Variants in SNTG1 observed in about 807,000 individuals in gnomAD.
The protein encoded by SNTG1 is syntrophin gamma 1.
Under a neutral mutation model 74.7 loss-of-function variants are expected in SNTG1, and 39 were observed. That is an observed-to-expected ratio of 0.52 (90% CI 0.40 to 0.68). SNTG1 has a LOEUF of 0.68. Ranked by LOEUF, SNTG1 falls within the 30% of genes least tolerant of loss-of-function variation. SNTG1 has a pLI of 0.00. For missense variants in SNTG1, 685 were observed against 609.5 expected, an observed-to-expected ratio of 1.12 and a Z score of -1.30; for synonymous variants, 254 against 217.1, an observed-to-expected ratio of 1.17 and a Z score of -1.49.
At chr8:50,749,075 G>A (rs967979474) in intron 17 of SNTG1, among the ~76,000 whole-genome samples, 5 of 152,042 alleles carry the variant, frequency 3.3e-5, no homozygotes, top group African/African-American at 1.2e-4. Context: ...GTGACAAACA[G>A]TTAAGCAAGT....
intron 2 of SNTG1, among the ~76,000 whole-genome samples, chr8:50,291,223 AAGAG>A (rs889302513): frequency 7.3e-6 from 1 of 136,442 alleles, no homozygotes; most frequent in African/African-American, 2.7e-5. Flanking sequence ...GTTTATATAT[AAGAG>A]AGAGAGACAG....
intron 1 of SNTG1, among the ~76,000 whole-genome samples, chr8:50,149,136 T>TG (rs1265732334): frequency 1.3e-5 from 2 of 152,076 alleles, no homozygotes; most frequent in Non-Finnish European, 2.9e-5. Flanking sequence ...ATTTCTCTGA[T>TG]GCCAGTGATG....
At chr8:49,987,940 C>A (rs2130261709) in intron 1 of SNTG1, among the ~76,000 whole-genome samples, 1 of 152,170 alleles carries the variant, frequency 6.6e-6, no homozygotes, top group Non-Finnish European at 1.5e-5. Context: ...AAAGGTTATG[C>A]CACTACCTTT....
chr8:50,464,815 C>T (rs531772823), intron 8 of SNTG1, among the ~76,000 whole-genome samples: 14 of 152,090 alleles, frequency 9.2e-5, no homozygotes, highest in African/African-American at 2.7e-4. Context: ...ACAATAATAT[C>T]TGTTAACATA....
intron 1 of SNTG1, among the ~76,000 whole-genome samples, chr8:50,141,741 T>C (rs1398633139): frequency 6.6e-6 from 1 of 152,098 alleles, no homozygotes; most frequent in African/African-American, 2.4e-5. Context: ...ACATGTTGTA[T>C]AAATGTTCTA....
intron 15 of SNTG1, among the ~76,000 whole-genome samples, chr8:50,675,281 T>C (rs572340839): frequency 9.2e-5 from 14 of 152,132 alleles, no homozygotes; most frequent in Non-Finnish European, 1.8e-4. Context: ...TCTCCTATTA[T>C]TATGTGGCAG....
chr8:50,233,627 C>T (rs2085742217), intron 2 of SNTG1, among the ~76,000 whole-genome samples: 1 of 151,440 alleles, frequency 6.6e-6, no homozygotes, highest in African/African-American at 2.4e-5. Flanking sequence ...AAGCCACAAG[C>T]TGGCAAAAAA....
intron 1 of SNTG1, among the ~76,000 whole-genome samples, chr8:49,924,123 A>G (rs1404495240): frequency 6.6e-6 from 1 of 152,172 alleles, no homozygotes; most frequent in Non-Finnish European, 1.5e-5. Context: ...GCCCAGTACA[A>G]TTTTAGATAT....
chr8:50,106,538 C>G (rs1189336555), intron 1 of SNTG1, among the ~76,000 whole-genome samples: 3 of 152,160 alleles, frequency 2.0e-5, no homozygotes, highest in African/African-American at 7.2e-5. Context: ...ATGATGTTGA[C>G]TGCAGATTTG....
intron 18 of SNTG1, among the ~76,000 whole-genome samples, chr8:50,756,679 T>C (rs1563811412): frequency 6.6e-6 from 1 of 151,808 alleles, no homozygotes; most frequent in Non-Finnish European, 1.5e-5. Context: ...AGCTTTAGAG[T>C]ATGTCTTGAA....
chr8:50,100,248 T>C (rs1388008665), intron 1 of SNTG1, among the ~76,000 whole-genome samples: 5 of 152,014 alleles, frequency 3.3e-5, no homozygotes, highest in Admixed American at 6.6e-5. Flanking sequence ...TAGAGTAGAA[T>C]AGTGGTTACT....
intron 1 of SNTG1, among the ~76,000 whole-genome samples, chr8:49,919,368 A>T (rs1322257863): frequency 6.6e-6 from 1 of 152,104 alleles, no homozygotes; most frequent in Non-Finnish European, 1.5e-5. Flanking sequence ...CAGAACACAA[A>T]TGACTAGCAT....
chr8:49,945,445 A>G (rs1809090698), intron 1 of SNTG1, among the ~76,000 whole-genome samples: 1 of 152,212 alleles, frequency 6.6e-6, no homozygotes, highest in African/African-American at 2.4e-5. Context: ...TGAGGTCTGC[A>G]TTCATTTAAC....
At chr8:49,969,488 C>G (rs1017473720) in intron 1 of SNTG1, among the ~76,000 whole-genome samples, 4 of 146,260 alleles carry the variant, frequency 2.7e-5, no homozygotes, top group Non-Finnish European at 1.5e-5. Context: ...CCTCTGCCTC[C>G]CATGTTCAAG....
At chr8:50,182,336 C>T (rs750764741) in intron 2 of SNTG1, among the ~76,000 whole-genome samples, 1 of 152,080 alleles carries the variant, frequency 6.6e-6, no homozygotes, top group Non-Finnish European at 1.5e-5. Flanking sequence ...GAGATAATGG[C>T]AGATCAACAA....
chr8:50,123,857 A>G (rs1397748852), intron 1 of SNTG1, among the ~76,000 whole-genome samples: 1 of 142,604 alleles, frequency 7.0e-6, no homozygotes, highest in African/African-American at 2.5e-5. Flanking sequence ...AAGTCCATAC[A>G]GGTAGTAAGT....
chr8:50,001,621 T>C (rs1176364105), intron 1 of SNTG1, among the ~76,000 whole-genome samples: 1 of 152,180 alleles, frequency 6.6e-6, no homozygotes, highest in African/African-American at 2.4e-5. Context: ...TACATCAGAC[T>C]GTATATTGTT....
intron 1 of SNTG1, among the ~76,000 whole-genome samples, chr8:49,952,448 G>A (rs1809808858): frequency 6.6e-6 from 1 of 152,166 alleles, no homozygotes; most frequent in African/African-American, 2.4e-5. Flanking sequence ...ACTCACAAAC[G>A]AGCATGGAAA....
chr8:49,992,207 A>G (rs1421756860), intron 1 of SNTG1, among the ~76,000 whole-genome samples: 1 of 152,214 alleles, frequency 6.6e-6, no homozygotes, highest in Non-Finnish European at 1.5e-5. Context: ...AGTTTTCAGA[A>G]TAAGAATGTA....
Sources: gnomAD v4.1 joint callset for allele counts (sites outside exome capture counted in the v4.1 genomes callset) on GRCh38, gnomAD v4.1.1 for gene constraint, MANE v1.5 for transcripts, NCBI Gene and HGNC (gene_info 2026-07-23, HGNC 2026-07-21) for gene names.